The following NCAPG variants were observed in gnomAD, a reference collection of about 807,000 sequenced individuals.
NCAPG encodes condensin complex subunit 3.
Under a neutral mutation model 113.1 loss-of-function variants are expected in NCAPG, and 69 were observed. That is an observed-to-expected ratio of 0.61 (90% CI 0.50 to 0.75). The LOEUF is 0.75. NCAPG is among the 30% of genes least tolerant of loss of function. The pLI, the probability that NCAPG is intolerant of heterozygous loss-of-function variation, is 0.00. For missense variants in NCAPG, 1,058 were observed against 1,177.0 expected, an observed-to-expected ratio of 0.90 and a Z score of 1.48; for synonymous variants, 370 against 415.8, an observed-to-expected ratio of 0.89 and a Z score of 1.34.
chr4:17,813,524 G>T (rs1721079959), intron 3 of NCAPG, among the ~76,000 whole-genome samples: 1 of 151,978 alleles, frequency 6.6e-6, no homozygotes, highest in African/African-American at 2.4e-5. Context: ...TATAATACCT[G>T]TTACTGTGTT....
intron 16 of NCAPG, 64 bp downstream of exon 16, chr4:17,837,865 C>G: frequency 6.4e-7 from 1 of 1,563,464 alleles, no homozygotes; most frequent in Non-Finnish European, 8.8e-7. Context: ...CTCAAAGATC[C>G]CTTGAAATAC....
Position 17,825,596 on chromosome 4 carries a change from G to A in NCAPG, c.1653+35G>A, listed in dbSNP as rs78287797. The stretch of plus-strand genomic sequence containing the variant: ...ACTTTTTTCATACTAAATCTCAGGT[G>A]TTATTAATCATCTCAACTAAATCTT... On this transcript the variant is annotated intron_variant, in intron 11 of 20. Transcript: ENST00000251496. 1,146 of 1,513,156 alleles carry A rather than the reference G, an allele frequency of 7.6e-4. 6 individuals carry two copies. In the African/African-American group the frequency reaches 0.014, roughly 19 times the overall value. 93.7% of individuals were successfully genotyped at this position (1,513,156 alleles called of 1,614,324 possible).
At position 17,839,663 on chromosome 4, in the gene NCAPG, CTTAAT is replaced by C. The variant is rs755322372; in HGVS notation, c.2467-10_2467-6del. ...ATCTTCAATTTACAGAGAATTTTCT[CTTAAT>C]TTTTTAGGCCTTAACAGTACATGAC... On this transcript the variant is annotated splice_region_variant and splice_polypyrimidine_tract_variant and intron_variant, in intron 16 of 20. Transcript: ENST00000251496. 2.0e-6 allele frequency: 3 copies of C among 1,471,566 alleles called. No homozygotes were observed. Among genetic ancestry groups the C allele is most frequent in the East Asian group, 5.1e-5 (2 of 39,338 alleles). The allele number at this position is 1,471,566 out of a possible 1,614,324, so 91.2% of individuals were successfully genotyped here.
chr4:17,816,213 C>G (rs1721201918), intron 5 of NCAPG, among the ~76,000 whole-genome samples: 1 of 152,102 alleles, frequency 6.6e-6, no homozygotes, highest in South Asian at 2.1e-4. Flanking sequence ...TACTTAGATT[C>G]TCATAAGGAG....
rs1248828192 is a variant in NCAPG at position 17,812,461 on chromosome 4, G to T, written c.315+37G>T. On this transcript the variant is annotated intron_variant, in intron 2 of 20. Transcript: ENST00000251496. The stretch of plus-strand genomic sequence containing the variant: ...ATGATAGCTTTGGGGAGGGATTTTA[G>T]AAAATTTTGCCACTTTAAAAGAGTC... 4.5e-6 allele frequency: 7 copies of T among 1,562,636 alleles called. No homozygotes were observed. In the Admixed American group the frequency reaches 1.2e-4, roughly 27 times the overall value.
chr4:17,828,934 A>G (rs1157318763), intron 12 of NCAPG, among the ~76,000 whole-genome samples: 2 of 150,308 alleles, frequency 1.3e-5, no homozygotes, highest in East Asian at 3.9e-4. Context: ...GCTTTTTTTT[A>G]AAGCCACTGT....
Position 17,823,907 on chromosome 4 carries a change from A to G in NCAPG, c.1383+137A>G, listed in dbSNP as rs1721556770. On this transcript the variant is annotated intron_variant, in intron 9 of 20. Transcript: ENST00000251496. ...CTTTAATGAGTTTTAAAATTTCTTA[A>G]AACCATTATCTATCTCTTACATACA... The G allele has an allele frequency of 6.1e-6, 4 of 655,824 alleles. No homozygotes were observed. The Admixed American group carries it at 1.3e-4, about 22-fold the overall frequency. 40.6% of individuals were successfully genotyped at this position (655,824 alleles called of 1,614,324 possible). A position where few individuals can be genotyped will look rare whatever the true frequency, so the allele number is the denominator to read the frequency against.
chr4:17,813,758 T>G (rs1254079260), intron 3 of NCAPG, among the ~76,000 whole-genome samples: 6 of 152,192 alleles, frequency 3.9e-5, no homozygotes, highest in African/African-American at 1.4e-4. Flanking sequence ...TTATGATTCG[T>G]ATTTTTTAAT....
At chr4:17,842,520 A>G in intron 20 of NCAPG, 141 bp downstream of exon 20, 1 of 662,436 alleles carries the variant, frequency 1.5e-6, no homozygotes. Context: ...TTAGGTATAT[A>G]GTCTAAAATT....
chr4:17,824,786 T>C (rs1721592125), intron 9 of NCAPG, among the ~76,000 whole-genome samples, 182 bp from the exon 10 acceptor site: 1 of 147,006 alleles, frequency 6.8e-6, no homozygotes, highest in African/African-American at 2.6e-5. Context: ...TAGTCAGATA[T>C]ATTGTTTTGT....
Position 17,831,038 on chromosome 4 carries a change from C to T in NCAPG, c.1806C>T (p.Asn602=), listed in dbSNP as rs746811447. ...TAAGTATTCATCCTGTTGTAAGAAA[C>T]CTGGCTGTTTTATGCTTGGGATGCT... ...GIISIHPVVR[N]LAVLCLGCCG... is the part of the protein sequence containing the mutation. The change falls in exon 13 of 21, where the codon AAC becomes AAT. Residue 602 remains asparagine (N), a synonymous_variant. Transcript: ENST00000251496. 6.2e-7 allele frequency: 1 copy of T among 1,613,330 alleles called. No homozygotes were observed. The highest frequency in any genetic ancestry group is 8.5e-7 in the Non-Finnish European group (1 of 1,179,568).
At chr4:17,814,335 G>A (rs1332507648) in intron 3 of NCAPG, among the ~76,000 whole-genome samples, 1 of 152,152 alleles carries the variant, frequency 6.6e-6, no homozygotes. Flanking sequence ...CTGCGCAGCA[G>A]TGACTCAGGC....
intron 3 of NCAPG, 39 bp downstream of exon 3, chr4:17,813,184 A>G (rs534187641): frequency 2.6e-6 from 4 of 1,517,360 alleles, no homozygotes; most frequent in Admixed American, 4.0e-5. Flanking sequence ...AGATTTGTTG[A>G]TTTTGTTAAA....
Position 17,823,010 on chromosome 4 carries a change from TGAA to T in NCAPG, c.1150_1152del (p.Glu384del). On this transcript the variant is annotated inframe_deletion, in exon 8 of 21. Coordinates refer to ENST00000251496, the MANE Select transcript of NCAPG (RefSeq NM_022346.5). ...ACATCCAGAGCATTCCAGTTGTTAATGAAGAACACAGAGGTGATTTTTCCTATA... is the reference window on the plus strand; with the variant it reads ...ACATCCAGAGCATTCCAGTTGTTAATGAACACAGAGGTGATTTTTCCTATA... 6.2e-7 allele frequency: 1 copy of T among 1,606,218 alleles called. No homozygotes were observed. Among genetic ancestry groups the T allele is most frequent in the Non-Finnish European group, 8.5e-7 (1 of 1,177,390 alleles).
At chr4:17,817,186 A>T in intron 5 of NCAPG, 75 bp from the exon 6 acceptor site, 1 of 1,087,888 alleles carries the variant, frequency 9.2e-7, no homozygotes, top group Non-Finnish European at 1.3e-6. Flanking sequence ...GACTTTGTTA[A>T]TTAAAACAGA....
chr4:17,821,247 G>C (rs1721443933), intron 7 of NCAPG, among the ~76,000 whole-genome samples: 2 of 152,228 alleles, frequency 1.3e-5, no homozygotes, highest in African/African-American at 4.8e-5. Context: ...TAACTCTACT[G>C]ATTGGTTGAT....
Position 17,828,172 on chromosome 4 carries a change from G to A in NCAPG, c.1654-106G>A, listed in dbSNP as rs542981656. 5.4e-5 allele frequency: 34 copies of A among 635,292 alleles called. No individual in the cohort carries two copies. The African/African-American group carries it at 6.0e-4, about 11-fold the overall frequency. The allele number at this position is 635,292 out of a possible 1,614,324, so 39.4% of individuals were successfully genotyped here. On this transcript the variant is annotated intron_variant, in intron 11 of 20. Transcript: ENST00000251496. ...TGATAGCTGTAAGATCACCTACAGA[G>A]TCTATATAGAGTGACAGTATGCCCT...
chr4:17,832,106 A>C (rs924929784), intron 13 of NCAPG, among the ~76,000 whole-genome samples: 10 of 152,354 alleles, frequency 6.6e-5, no homozygotes, highest in Non-Finnish European at 1.2e-4. Context: ...TTTGAATTTC[A>C]TGTAATTTTC....
chr4:17,813,303 TA>T (rs200331629), intron 3 of NCAPG, 158 bp downstream of exon 3: 4,217 of 487,952 alleles, frequency 8.6e-3, no homozygotes, highest in South Asian at 0.012. Flanking sequence ...CCACCCAGCT[TA>T]AAAAAAAAAG....
Sources: gnomAD v4.1 joint callset for allele counts (sites outside exome capture counted in the v4.1 genomes callset) on GRCh38, gnomAD v4.1.1 for gene constraint, MANE v1.5 for transcripts, NCBI Gene and HGNC (gene_info 2026-07-23, HGNC 2026-07-21) for gene names.